PDE10A: variants seen among roughly 807,000 people sequenced by gnomAD.
PDE10A encodes phosphodiesterase 10A, also known as cAMP and cAMP-inhibited cGMP 3',5'-cyclic phosphodiesterase 10A.
PDE10A carries 39 observed loss-of-function variants against 97.7 expected under a neutral mutation model. The ratio of observed to expected loss-of-function variants is 0.40; its 90% confidence interval spans 0.31 to 0.52. The LOEUF is 0.52. Among genes scored for constraint, PDE10A ranks in the 20% least tolerant of loss-of-function variants. The pLI is 0.56. For missense variants in PDE10A, 731 were observed against 1,047.8 expected (o/e 0.70, Z 4.17); for synonymous variants, 371 against 376.8 (o/e 0.98, Z 0.18).
chr6:165,957,940 T>C (rs1019227343), intron 1 of PDE10A, among the ~76,000 whole-genome samples: 1 of 152,186 alleles, frequency 6.6e-6, no homozygotes, highest in South Asian at 2.1e-4. Context: ...TCCACACCTC[T>C]CAGGGCTGGA....
intron 2 of PDE10A, among the ~76,000 whole-genome samples, chr6:165,524,499 A>G (rs957693757): frequency 6.6e-5 from 10 of 152,296 alleles, no homozygotes; most frequent in African/African-American, 1.9e-4. Context: ...TAGTGACTCT[A>G]TACATAATAC....
chr6:165,959,154 T>C (rs574826670), intron 1 of PDE10A, among the ~76,000 whole-genome samples: 2 of 152,286 alleles, frequency 1.3e-5, no homozygotes, highest in Admixed American at 6.5e-5. Flanking sequence ...TTCGTACATA[T>C]ATATTAGAGT....
intron 1 of PDE10A, among the ~76,000 whole-genome samples, chr6:165,926,263 A>G (rs974324527): frequency 1.3e-5 from 2 of 152,198 alleles, no homozygotes; most frequent in Admixed American, 6.5e-5. Flanking sequence ...TGATAAAGCC[A>G]GTTCTAGTAA....
intron 18 of PDE10A, among the ~76,000 whole-genome samples, chr6:165,348,801 T>C (rs1015916243): frequency 6.6e-6 from 1 of 152,152 alleles, no homozygotes; most frequent in African/African-American, 2.4e-5. Context: ...TGTTTTGTGA[T>C]AGGGATTCAG....
At chr6:165,937,448 C>T (rs1321736354) in intron 1 of PDE10A, among the ~76,000 whole-genome samples, 1 of 152,166 alleles carries the variant, frequency 6.6e-6, no homozygotes, top group Non-Finnish European at 1.5e-5. Flanking sequence ...GGAATTCAGT[C>T]TCATATTGCA....
chr6:165,611,021 C>T (rs1183655219), intron 1 of PDE10A, among the ~76,000 whole-genome samples: 1 of 151,858 alleles, frequency 6.6e-6, no homozygotes, highest in Non-Finnish European at 1.5e-5. Flanking sequence ...AATCCTAATG[C>T]TATTCCTAGC....
At chr6:165,986,624 G>A (rs1275954516) in intron 1 of PDE10A, 1 of 151,994 alleles carries the variant, frequency 6.6e-6, no homozygotes, top group African/African-American at 2.4e-5. Flanking sequence ...GAGCCGAGAG[G>A]GGAGGAGAGA....
chr6:165,362,396 G>A (rs1783479800), intron 18 of PDE10A, among the ~76,000 whole-genome samples: 1 of 151,996 alleles, frequency 6.6e-6, no homozygotes. Context: ...CAATCTTACA[G>A]AAATAAAAAG....
chr6:165,599,108 G>A (rs908870785), intron 1 of PDE10A, among the ~76,000 whole-genome samples: 5 of 152,122 alleles, frequency 3.3e-5, no homozygotes, highest in East Asian at 1.9e-4. Flanking sequence ...GCCCTAAGAC[G>A]GTTGTGAAGG....
At chr6:165,609,212 G>C (rs1787373694) in intron 1 of PDE10A, among the ~76,000 whole-genome samples, 1 of 152,112 alleles carries the variant, frequency 6.6e-6, no homozygotes, top group South Asian at 2.1e-4. Context: ...GTACTGCCTA[G>C]GTTCTAAACG....
chr6:165,387,457 A>T (rs1315869540), intron 17 of PDE10A, among the ~76,000 whole-genome samples: 1 of 152,198 alleles, frequency 6.6e-6, no homozygotes, highest in African/African-American at 2.4e-5. Flanking sequence ...TGGCATTTAG[A>T]GGAGGCCTGG....
intron 18 of PDE10A, among the ~76,000 whole-genome samples, chr6:165,371,992 A>G (rs920168589): frequency 6.6e-6 from 1 of 150,588 alleles, no homozygotes; most frequent in African/African-American, 2.5e-5. Flanking sequence ...GATTATCTCA[A>G]TAGCTGCAGA....
At chr6:165,387,894 T>C (rs55847225) in intron 17 of PDE10A, among the ~76,000 whole-genome samples, 29,550 of 152,126 alleles carry the variant, frequency 0.19, 3,496 homozygotes, top group African/African-American at 0.33. Flanking sequence ...AAACAAAACA[T>C]ACAGTGTAAA....
intron 1 of PDE10A, among the ~76,000 whole-genome samples, chr6:165,896,765 C>T (rs1418324298): frequency 6.6e-6 from 1 of 152,038 alleles, no homozygotes; most frequent in East Asian, 1.9e-4. Context: ...ACCTCGTGAT[C>T]CACCTGTCTC....
intron 1 of PDE10A, among the ~76,000 whole-genome samples, chr6:165,691,201 C>CACACA (rs1491589495): frequency 4.2e-5 from 1 of 24,008 alleles, no homozygotes; most frequent in Non-Finnish European, 1.1e-4. Flanking sequence ...CTCTCTCTCT[C>CACACA]CCCACACACA....
chr6:165,866,549 GAAT>G (rs372569631), intron 1 of PDE10A, among the ~76,000 whole-genome samples: 44 of 151,414 alleles, frequency 2.9e-4, no homozygotes, highest in Non-Finnish European at 5.7e-4. Flanking sequence ...GCTGCATTTA[GAAT>G]AATAATGATC....
intron 18 of PDE10A, among the ~76,000 whole-genome samples, chr6:165,357,780 T>C (rs991811872): frequency 6.6e-6 from 1 of 152,126 alleles, no homozygotes; most frequent in Non-Finnish European, 1.5e-5. Context: ...TGTATCCATT[T>C]TAATAGTCTT....
intron 18 of PDE10A, among the ~76,000 whole-genome samples, chr6:165,372,671 T>G (rs888721954): frequency 6.7e-6 from 1 of 148,636 alleles, no homozygotes; most frequent in Non-Finnish European, 1.5e-5. Flanking sequence ...ATTTATAGAT[T>G]CAATGCCATC....
intron 1 of PDE10A, among the ~76,000 whole-genome samples, chr6:165,869,914 C>T (rs1239018882): frequency 1.3e-5 from 2 of 151,978 alleles, no homozygotes; most frequent in African/African-American, 4.8e-5. Context: ...TAAAACTGGA[C>T]CCCTGCCTCT....
Sources: allele counts gnomAD v4.1 joint callset (sites outside exome capture counted in the v4.1 genomes callset), GRCh38; gene constraint gnomAD v4.1.1; transcripts MANE v1.5; gene names NCBI Gene and HGNC (gene_info 2026-07-23, HGNC 2026-07-21).